Variants in UBL3 observed in about 807,000 individuals in gnomAD.
UBL3 encodes ubiquitin-like protein 3.
In UBL3, 6 loss-of-function variants were observed where a neutral mutation model predicts 18.4. That is an observed-to-expected ratio of 0.33 (90% confidence interval 0.18 to 0.64). UBL3 has a LOEUF of 0.64. Among genes scored for constraint, UBL3 ranks in the 30% least tolerant of loss-of-function variants. The pLI is 0.76. For synonymous variants in UBL3, 49 were observed against 46.6 expected (o/e 1.05, Z -0.21); for missense variants, 109 against 142.9 (o/e 0.76, Z 1.21).
chr13:29,822,684 C>T (rs184816797), intron 1 of UBL3, among the ~76,000 whole-genome samples: 1 of 152,130 alleles, frequency 6.6e-6, no homozygotes, highest in East Asian at 1.9e-4. Flanking sequence ...ATTACAGGCA[C>T]GAACCACCAC....
At chr13:29,806,782 C>T (rs1231568121) in intron 1 of UBL3, among the ~76,000 whole-genome samples, 3 of 152,300 alleles carry the variant, frequency 2.0e-5, no homozygotes, top group East Asian at 1.9e-4. Context: ...ATGGCTTTGT[C>T]ATCTCTCCTG....
intron 1 of UBL3, among the ~76,000 whole-genome samples, chr13:29,836,744 A>T (rs1050627171): frequency 6.6e-6 from 1 of 152,154 alleles, no homozygotes; most frequent in Non-Finnish European, 1.5e-5. Flanking sequence ...TGAGGATCTC[A>T]GGAAAATAAA....
At chr13:29,798,046 C>G (rs1214827113) in intron 1 of UBL3, among the ~76,000 whole-genome samples, 3 of 150,192 alleles carry the variant, frequency 2.0e-5, no homozygotes, top group Non-Finnish European at 4.4e-5. Flanking sequence ...TTTTTGGAGA[C>G]TGAGTCTTGC....
At chr13:29,781,808 A>T (rs1195934212) in intron 1 of UBL3, among the ~76,000 whole-genome samples, 3 of 136,344 alleles carry the variant, frequency 2.2e-5, no homozygotes, top group African/African-American at 8.4e-5. Context: ...ACAAATTGCG[A>T]CCCTGTCTCT....
chr13:29,811,536 G>A (rs1350290527), intron 1 of UBL3, among the ~76,000 whole-genome samples: 2 of 152,088 alleles, frequency 1.3e-5, no homozygotes, highest in African/African-American at 4.8e-5. Flanking sequence ...AAAGAAGAGA[G>A]AGCTGCGGAA....
At chr13:29,828,783 GT>G (rs942760679) in intron 1 of UBL3, among the ~76,000 whole-genome samples, 2 of 152,276 alleles carry the variant, frequency 1.3e-5, no homozygotes, top group African/African-American at 4.8e-5. Flanking sequence ...TTTCTGCTCT[GT>G]TTTTTCCCCA....
At chr13:29,783,938 C>T (rs2139318038) in intron 1 of UBL3, among the ~76,000 whole-genome samples, 1 of 152,194 alleles carries the variant, frequency 6.6e-6, no homozygotes, top group Middle Eastern at 3.4e-3. Flanking sequence ...AGTAAAGTTC[C>T]TAAGAGATGG....
intron 1 of UBL3, among the ~76,000 whole-genome samples, chr13:29,847,945 G>A (rs1566004008): frequency 6.6e-6 from 1 of 152,116 alleles, no homozygotes; most frequent in Admixed American, 6.5e-5. Flanking sequence ...ACGAGTTTTA[G>A]GACTCAGGAA....
At chr13:29,785,759 G>A (rs1877298345) in intron 1 of UBL3, among the ~76,000 whole-genome samples, 1 of 152,076 alleles carries the variant, frequency 6.6e-6, no homozygotes, top group Non-Finnish European at 1.5e-5. Flanking sequence ...CTTGGTACCT[G>A]GATTGCAAAA....
rs557588730 is a variant in UBL3, at chr13:29,850,058, G to A, written c.-520C>T. On this transcript the variant is annotated 5_prime_UTR_variant, in exon 1 of 5. Transcript: ENST00000380680. ...GCGGCCGAGCGGTGGCCGGACGCTG[G>A]CCGCGGACCCTGCAGAGCCGCTGTC... is the stretch of plus-strand genomic sequence containing the variant. The A allele has an allele frequency of 3.1e-4, 48 of 153,938 alleles. No individual in the cohort carries two copies. The South Asian group carries it at 8.9e-3, about 29-fold the overall frequency. The allele number at this position is 153,938 out of a possible 1,614,324, so 9.5% of individuals were successfully genotyped here.
rs1876645778 is a variant in UBL3 at position 29,765,230 on chromosome 13, T to C, written c.*2025A>G. 2 of 152,280 alleles carry C rather than the reference T, an allele frequency of 1.3e-5. No individual in the cohort carries two copies. Among genetic ancestry groups the C allele is most frequent in the South Asian group, 4.1e-4 (2 of 4,824 alleles). The allele number at this position is 152,280 out of a possible 1,614,324, so 9.4% of individuals were successfully genotyped here. A position where few individuals can be genotyped will look rare whatever the true frequency, so the allele number is the denominator to read the frequency against. On this transcript the variant is annotated 3_prime_UTR_variant, in exon 5 of 5. Coordinates refer to ENST00000380680, the MANE Select transcript of UBL3 (RefSeq NM_007106.4). Reference sequence around the variant, plus strand: ...AGAGTAATCAGAATGAAAATAGGTATTAAAAATAATTACCAGTAGTTTGTT... The same window carrying C: ...AGAGTAATCAGAATGAAAATAGGTACTAAAAATAATTACCAGTAGTTTGTT...
At chr13:29,779,922 A>G (rs925819392) in intron 1 of UBL3, among the ~76,000 whole-genome samples, 1 of 152,182 alleles carries the variant, frequency 6.6e-6, no homozygotes, top group Non-Finnish European at 1.5e-5. Context: ...CAGCGGCCTT[A>G]TAAGAAGAGA....
chr13:29,798,743 T>C (rs1042060102), intron 1 of UBL3, among the ~76,000 whole-genome samples: 1 of 152,202 alleles, frequency 6.6e-6, no homozygotes, highest in African/African-American at 2.4e-5. Flanking sequence ...TGTGAATTCT[T>C]CTTAAATGAG....
chr13:29,789,595 T>C (rs1877430692), intron 1 of UBL3, among the ~76,000 whole-genome samples: 1 of 152,212 alleles, frequency 6.6e-6, no homozygotes, highest in Non-Finnish European at 1.5e-5. Context: ...TCAAACACAG[T>C]TGCTAGCTCT....
Position 29,767,608 on chromosome 13 carries a change from C to T in UBL3, c.301+10G>A, listed in dbSNP as rs1365770100. The T allele has an allele frequency of 3.1e-6, 5 of 1,612,082 alleles. No individual in the cohort carries two copies. Among genetic ancestry groups the T allele is most frequent in the Admixed American group, 3.3e-5 (2 of 59,728 alleles). On this transcript the variant is annotated intron_variant, in intron 4 of 4. Transcript: ENST00000380680. ...CCTCAACTGAGATACTTTTCCAGTG[C>T]ATGGCTTACCTTGAGAGTTTGGCTC...
intron 1 of UBL3, among the ~76,000 whole-genome samples, chr13:29,802,598 A>G (rs942379396): frequency 6.6e-5 from 10 of 152,256 alleles, no homozygotes; most frequent in Non-Finnish European, 1.2e-4. Context: ...AGTGGTCATT[A>G]TAAGAAATGA....
chr13:29,799,248 AG>A (rs1397016373), intron 1 of UBL3, among the ~76,000 whole-genome samples: 1 of 152,228 alleles, frequency 6.6e-6, no homozygotes, highest in African/African-American at 2.4e-5. Context: ...AATAAAAAAA[AG>A]TATGCAGACA....
At chr13:29,789,082 A>G (rs1877418642) in intron 1 of UBL3, among the ~76,000 whole-genome samples, 1 of 152,084 alleles carries the variant, frequency 6.6e-6, no homozygotes, top group Non-Finnish European at 1.5e-5. Flanking sequence ...CATTTTTAGT[A>G]GAGATGGGAT....
chr13:29,824,805 G>A (rs1044042578), intron 1 of UBL3, among the ~76,000 whole-genome samples: 23 of 152,166 alleles, frequency 1.5e-4, no homozygotes, highest in Admixed American at 7.9e-4. Flanking sequence ...GAATGGTACT[G>A]CCTAGGTTTT....
Sources: allele counts gnomAD v4.1 joint callset (sites outside exome capture counted in the v4.1 genomes callset), GRCh38; gene constraint gnomAD v4.1.1; transcripts MANE v1.5; gene names NCBI Gene and HGNC (gene_info 2026-07-23, HGNC 2026-07-21).